Variants in FNDC1 observed in about 807,000 individuals in gnomAD.
FNDC1 encodes the protein fibronectin type III domain-containing protein 1.
In FNDC1, 96 loss-of-function variants were observed where a neutral mutation model predicts 168.0. That is an observed-to-expected ratio of 0.57 (90% CI 0.48 to 0.68). The LOEUF (loss-of-function observed/expected upper bound fraction) is 0.68, where lower values mean the gene tolerates loss of function less well. FNDC1 is among the 30% of genes least tolerant of loss of function. FNDC1 has a pLI of 0.00. For missense variants in FNDC1, 2,587 were observed against 2,482.1 expected, an observed-to-expected ratio of 1.04 and a Z score of -0.90; for synonymous variants, 1,099 against 1,025.9, an observed-to-expected ratio of 1.07 and a Z score of -1.36.
chr6:159,194,513 C>T (rs1049938082), intron 1 of FNDC1, among the ~76,000 whole-genome samples: 3 of 152,190 alleles, frequency 2.0e-5, no homozygotes, highest in Non-Finnish European at 2.9e-5. Context: ...AAGGGACTCA[C>T]TTTGTCATAT....
intron 6 of FNDC1, among the ~76,000 whole-genome samples, chr6:159,223,083 C>T (rs565808498): frequency 4.0e-4 from 60 of 151,136 alleles, no homozygotes; most frequent in Admixed American, 1.7e-3. Flanking sequence ...GCAAGCTCCG[C>T]CTCCTGGATT....
chr6:159,188,076 T>A (rs972365322), intron 1 of FNDC1, among the ~76,000 whole-genome samples: 1 of 152,198 alleles, frequency 6.6e-6, no homozygotes, highest in East Asian at 1.9e-4. Flanking sequence ...CGGTTTCCAA[T>A]GGAAAGTAAA....
intron 4 of FNDC1, among the ~76,000 whole-genome samples, chr6:159,205,717 AGG>A (rs1290224603): frequency 6.6e-6 from 1 of 152,196 alleles, no homozygotes; most frequent in Non-Finnish European, 1.5e-5. Context: ...TGAAACTATG[AGG>A]CTGAGTGGAC....
chr6:159,266,687 T>G (rs1211159047), intron 21 of FNDC1, among the ~76,000 whole-genome samples: 2 of 150,482 alleles, frequency 1.3e-5, no homozygotes, highest in African/African-American at 4.9e-5. Context: ...AGGGTTTTTT[T>G]TTTTTTTTTT....
At chr6:159,263,228 C>G (rs943648649) in intron 19 of FNDC1, among the ~76,000 whole-genome samples, 2 of 152,080 alleles carry the variant, frequency 1.3e-5, no homozygotes, top group Admixed American at 6.5e-5. Flanking sequence ...CATGGTGTTT[C>G]CCTCTATTTT....
intron 14 of FNDC1, among the ~76,000 whole-genome samples, chr6:159,245,512 G>A (rs1254339624): frequency 2.6e-5 from 4 of 151,942 alleles, no homozygotes; most frequent in African/African-American, 9.7e-5. Context: ...AAAACCTTTT[G>A]CCTCAAGATT....
At chr6:159,222,984 A>ATTTTTTTTTT (rs201310702) in intron 6 of FNDC1, among the ~76,000 whole-genome samples, 1 of 116,774 alleles carries the variant, frequency 8.6e-6, no homozygotes, top group Non-Finnish European at 2.0e-5. Context: ...TGAAATACTC[A>ATTTTTTTTTT]TTTTTTTTTT....
intron 1 of FNDC1, among the ~76,000 whole-genome samples, chr6:159,183,323 A>G (rs1243010790): frequency 1.3e-5 from 2 of 152,154 alleles, no homozygotes; most frequent in African/African-American, 2.4e-5. Context: ...ACATTGGGGG[A>G]CATTCCCTTC....
chr6:159,216,393 C>A (rs188060127), intron 5 of FNDC1, among the ~76,000 whole-genome samples: 1 of 152,212 alleles, frequency 6.6e-6, no homozygotes, highest in Non-Finnish European at 1.5e-5. Flanking sequence ...GGAACCTTTG[C>A]TGTGACTGGA....
chr6:159,235,957 AT>A (rs1274740676), intron 11 of FNDC1, among the ~76,000 whole-genome samples: 1 of 152,256 alleles, frequency 6.6e-6, no homozygotes, highest in Non-Finnish European at 1.5e-5. Flanking sequence ...AAATTTACTT[AT>A]GCCACACACT....
intron 9 of FNDC1, among the ~76,000 whole-genome samples, chr6:159,227,010 C>T (rs527690930): frequency 7.2e-5 from 11 of 152,070 alleles, no homozygotes; most frequent in Admixed American, 3.3e-4. Flanking sequence ...AAGTAATAAT[C>T]GCTGGAAAAT....
At chr6:159,185,070 G>GA (rs1346474968) in intron 1 of FNDC1, among the ~76,000 whole-genome samples, 2 of 112,378 alleles carry the variant, frequency 1.8e-5, no homozygotes, top group South Asian at 7.3e-4. Context: ...TGGAGGGTGG[G>GA]GGGGGGGGAA....
In FNDC1 at chr6:159,239,573, C is replaced by T. The variant is rs767053118; in HGVS notation, c.4237C>T (p.Arg1413Ter). ...PDGLPLFGQG[R>*]HGTPLANAQD... Reference sequence around the variant, plus strand: ...CGGCCTCCCACTCTTTGGGCAGGGGCGACATGGCACACCTCTGGCCAATGC... The same window carrying T: ...CGGCCTCCCACTCTTTGGGCAGGGGTGACATGGCACACCTCTGGCCAATGC... Residue 1413 changes from arginine to a stop codon, truncating the protein, a stop_gained, in exon 14 of 23, where the codon CGA becomes TGA. Transcript: ENST00000297267. LOFTEE classifies it high-confidence loss of function. 15 of 1,601,196 alleles carry T rather than the reference C, an allele frequency of 9.4e-6. No individual in the cohort carries two copies. The highest frequency in any genetic ancestry group is 3.3e-4 in the Middle Eastern group (2 of 6,038).
At chr6:159,182,738 C>A (rs1260789966) in intron 1 of FNDC1, among the ~76,000 whole-genome samples, 1 of 152,130 alleles carries the variant, frequency 6.6e-6, no homozygotes, top group African/African-American at 2.4e-5. Context: ...ATAGCATATT[C>A]AAAGATGTTT....
chr6:159,235,007 T>C (rs1255735310), intron 11 of FNDC1, among the ~76,000 whole-genome samples: 1 of 152,220 alleles, frequency 6.6e-6, no homozygotes, highest in Non-Finnish European at 1.5e-5. Context: ...CATGCAAAAC[T>C]CTCAACCAAA....
intron 1 of FNDC1, among the ~76,000 whole-genome samples, chr6:159,172,274 T>A (rs539271737): frequency 9.2e-5 from 14 of 152,322 alleles, no homozygotes; most frequent in South Asian, 2.1e-4. Context: ...GCTGGTTTTT[T>A]AAAATGGAAT....
chr6:159,206,344 G>T (rs1782486510), intron 4 of FNDC1, among the ~76,000 whole-genome samples: 1 of 152,228 alleles, frequency 6.6e-6, no homozygotes, highest in East Asian at 1.9e-4. Flanking sequence ...TTCTCATGCA[G>T]TTATTAGTTT....
At chr6:159,189,380 C>T (rs185686260) in intron 1 of FNDC1, among the ~76,000 whole-genome samples, 15 of 152,186 alleles carry the variant, frequency 9.9e-5, no homozygotes, top group African/African-American at 3.6e-4. Context: ...TAGAAAAATT[C>T]CTGGGAAGTT....
chr6:159,236,632 A>G (rs1284233008), intron 12 of FNDC1, among the ~76,000 whole-genome samples: 3 of 152,242 alleles, frequency 2.0e-5, no homozygotes, highest in Non-Finnish European at 4.4e-5. Flanking sequence ...GGCCGTTCAA[A>G]GGAACTTATA....
Sources: allele counts gnomAD v4.1 joint callset (sites outside exome capture counted in the v4.1 genomes callset), GRCh38; gene constraint gnomAD v4.1.1; transcripts MANE v1.5; gene names NCBI Gene and HGNC (gene_info 2026-07-23, HGNC 2026-07-21).